Variants in SGCZ observed in about 807,000 individuals in gnomAD.
The protein encoded by SGCZ is sarcoglycan zeta, also known as zeta-sarcoglycan.
In SGCZ, 40 loss-of-function variants were observed where a neutral mutation model predicts 41.3. The ratio of observed to expected loss-of-function variants is 0.97; its 90% CI spans 0.75 to 1.26. SGCZ has a LOEUF of 1.26. Among genes scored for constraint, SGCZ ranks in the 50% most tolerant of loss-of-function variants. SGCZ has a pLI of 0.00. For missense variants in SGCZ, 552 were observed against 369.8 expected, an observed-to-expected ratio of 1.49 and a Z score of -4.04; for synonymous variants, 206 against 137.5, an observed-to-expected ratio of 1.50 and a Z score of -3.49.
chr8:14,230,839 G>A (rs1806540248), intron 4 of SGCZ, among the ~76,000 whole-genome samples: 1 of 150,832 alleles, frequency 6.6e-6, no homozygotes, highest in Admixed American at 6.6e-5. Flanking sequence ...TGTTTGATAT[G>A]GTGCAATTTT....
At chr8:15,037,750 G>A (rs999165624) in intron 1 of SGCZ, among the ~76,000 whole-genome samples, 1 of 152,090 alleles carries the variant, frequency 6.6e-6, no homozygotes, top group Non-Finnish European at 1.5e-5. Flanking sequence ...ACCAAAAACT[G>A]TTTAGAAATA....
intron 1 of SGCZ, among the ~76,000 whole-genome samples, chr8:14,874,704 T>G (rs1444409433): frequency 1.3e-5 from 2 of 151,970 alleles, no homozygotes; most frequent in Non-Finnish European, 2.9e-5. Flanking sequence ...CTTCAGTGAA[T>G]GCACAGGTGC....
intron 1 of SGCZ, among the ~76,000 whole-genome samples, chr8:14,560,513 G>A (rs921296273): frequency 2.6e-5 from 4 of 151,990 alleles, no homozygotes; most frequent in African/African-American, 9.7e-5. Flanking sequence ...TGGCAAGTAG[G>A]AGACCTTCCC....
intron 1 of SGCZ, among the ~76,000 whole-genome samples, chr8:14,702,170 A>T (rs149628474): frequency 1.5e-4 from 23 of 152,116 alleles, no homozygotes; most frequent in Non-Finnish European, 7.4e-5. Flanking sequence ...TGGAAGTAAT[A>T]ACACAGTTGA....
intron 1 of SGCZ, among the ~76,000 whole-genome samples, chr8:14,633,183 A>C (rs1806715319): frequency 6.6e-6 from 1 of 151,986 alleles, no homozygotes; most frequent in Non-Finnish European, 1.5e-5. Context: ...AACATTTGCT[A>C]CCTGCATAAT....
intron 1 of SGCZ, among the ~76,000 whole-genome samples, chr8:15,077,551 GT>G (rs546578163): frequency 4.6e-5 from 7 of 152,068 alleles, no homozygotes; most frequent in South Asian, 2.1e-4. Context: ...AGAAGAAGGG[GT>G]TTTTTTCCTT....
chr8:14,153,425 T>A lies in SGCZ; in HGVS notation c.547+11155A>T, dbSNP rs149532957. Among the ~76,000 whole-genome samples, 411 of 152,200 alleles carry A rather than the reference T, an allele frequency of 2.7e-3. 3 individuals are homozygous for A. The highest frequency in any genetic ancestry group is 9.2e-3 in the African/African-American group (384 of 41,522). On this transcript the variant is annotated intron_variant, in intron 5 of 7. Coordinates refer to ENST00000382080, the MANE Select transcript of SGCZ (RefSeq NM_139167.4). Reference sequence around the variant, plus strand: ...CCAGTGCAAGGCTTAGAGGAATCAGTTACCTAACCTGGTCAGAGTAATTGG... The same window carrying A: ...CCAGTGCAAGGCTTAGAGGAATCAGATACCTAACCTGGTCAGAGTAATTGG...
At chr8:14,359,815 G>GAAAAAAAAAA (rs1258410378) in intron 2 of SGCZ, among the ~76,000 whole-genome samples, 1 of 109,484 alleles carries the variant, frequency 9.1e-6, no homozygotes, top group African/African-American at 3.1e-5. Context: ...TACAAAAAAA[G>GAAAAAAAAAA]AAAAAAAAAA....
At chr8:14,772,081 C>T (rs909586753) in intron 1 of SGCZ, among the ~76,000 whole-genome samples, 8 of 152,180 alleles carry the variant, frequency 5.3e-5, no homozygotes, top group Non-Finnish European at 1.0e-4. Context: ...CTGTTTTTCA[C>T]TTTCAATATA....
intron 2 of SGCZ, among the ~76,000 whole-genome samples, chr8:14,503,115 A>T (rs984291027): frequency 6.6e-6 from 1 of 152,240 alleles, no homozygotes; most frequent in African/African-American, 2.4e-5. Flanking sequence ...CTATGCAGCC[A>T]TAAAAAAAAG....
intron 4 of SGCZ, among the ~76,000 whole-genome samples, chr8:14,204,691 C>A (rs909052462): frequency 6.6e-6 from 1 of 152,074 alleles, no homozygotes; most frequent in South Asian, 2.1e-4. Flanking sequence ...CTGGGTAGAA[C>A]AAAAAGTTAG....
At chr8:14,091,932 A>G (rs535041834) in intron 7 of SGCZ, among the ~76,000 whole-genome samples, 54 of 152,236 alleles carry the variant, frequency 3.5e-4, no homozygotes, top group South Asian at 2.3e-3. Context: ...GTTTTCTTCT[A>G]GGGTTTTTAC....
chr8:14,496,274 G>A (rs1026512958), intron 2 of SGCZ, among the ~76,000 whole-genome samples: 1 of 151,920 alleles, frequency 6.6e-6, no homozygotes, highest in African/African-American at 2.4e-5. Context: ...CCACTACGTT[G>A]CCCAGGTTGG....
intron 1 of SGCZ, among the ~76,000 whole-genome samples, chr8:14,674,206 G>GT (rs368092747): frequency 2.9e-4 from 44 of 150,148 alleles, no homozygotes; most frequent in East Asian, 7.8e-4. Flanking sequence ...CCTTTTTCTT[G>GT]TTTTTTTTTC....
chr8:14,417,804 T>C lies in SGCZ; in HGVS notation c.235-93600A>G, dbSNP rs1006200316. The stretch of plus-strand genomic sequence containing the variant: ...ATTATGGTAATCATTTCACAATGTG[T>C]ATGTATATTGAAATATCACATTATA... On this transcript the variant is annotated intron_variant, in intron 2 of 7. Coordinates refer to ENST00000382080, the MANE Select transcript of SGCZ (RefSeq NM_139167.4). Among the ~76,000 whole-genome samples, 16 of 30,126 alleles carry C rather than the reference T, an allele frequency of 5.3e-4. No homozygotes were observed. The East Asian group carries it at 0.036, about 68-fold the overall frequency. The allele number at this position is 30,126 out of a possible 152,430, so 19.8% of individuals were successfully genotyped here.
chr8:15,060,867 G>C (rs74626889), intron 1 of SGCZ, among the ~76,000 whole-genome samples: 1 of 152,052 alleles, frequency 6.6e-6, no homozygotes, highest in Non-Finnish European at 1.5e-5. Context: ...GCAATGGCTG[G>C]AGCTCAAATT....
At chr8:14,148,860 T>C (rs1339804193) in intron 5 of SGCZ, among the ~76,000 whole-genome samples, 2 of 152,136 alleles carry the variant, frequency 1.3e-5, no homozygotes, top group African/African-American at 4.8e-5. Flanking sequence ...GGTTTACCTC[T>C]GGGATGCAAG....
chr8:15,073,574 T>C (rs755761553), intron 1 of SGCZ, among the ~76,000 whole-genome samples: 7 of 152,174 alleles, frequency 4.6e-5, no homozygotes, highest in Non-Finnish European at 8.8e-5. Flanking sequence ...TTTTAATCTG[T>C]AAATATCCAG....
intron 1 of SGCZ, among the ~76,000 whole-genome samples, chr8:14,908,340 G>T (rs993571674): frequency 6.6e-6 from 1 of 152,228 alleles, no homozygotes; most frequent in African/African-American, 2.4e-5. Context: ...TATTTACCTA[G>T]TGGCCATTGT....
Sources: allele counts gnomAD v4.1 joint callset (sites outside exome capture counted in the v4.1 genomes callset), GRCh38; gene constraint gnomAD v4.1.1; transcripts MANE v1.5; gene names NCBI Gene and HGNC (gene_info 2026-07-23, HGNC 2026-07-21).